GSE1: variants seen among roughly 807,000 people sequenced by gnomAD.
GSE1 encodes genetic suppressor element 1.
A neutral mutation model predicts 112.6 loss-of-function variants in GSE1; 32 were observed. The ratio of observed to expected loss-of-function variants is 0.28; its 90% CI spans 0.21 to 0.38. GSE1 has a LOEUF of 0.38. Ranked by LOEUF, GSE1 falls within the 10% of genes least tolerant of loss-of-function variation. The pLI, the probability that GSE1 is intolerant of heterozygous loss-of-function variation, is 1.00. For synonymous variants in GSE1, 1,115 were observed against 735.6 expected, an observed-to-expected ratio of 1.52 and a Z score of -8.35; for missense variants, 2,348 against 1,699.2, an observed-to-expected ratio of 1.38 and a Z score of -6.71.
At chr16:85,218,434 T>C (rs2143722877) in intron 1 of GSE1, among the ~76,000 whole-genome samples, 1 of 152,282 alleles carries the variant, frequency 6.6e-6, no homozygotes, top group South Asian at 2.1e-4. Context: ...AACCCCTTCA[T>C]TGAGTGCATG....
intron 2 of GSE1, among the ~76,000 whole-genome samples, chr16:85,361,138 C>CACA (rs1555569966): frequency 1.7e-5 from 2 of 117,016 alleles, no homozygotes; most frequent in South Asian, 6.1e-4. Flanking sequence ...CAGACCCCCC[C>CACA]CACACAAACA....
At chr16:85,370,494 C>T (rs2047272088) in intron 2 of GSE1, among the ~76,000 whole-genome samples, 1 of 152,216 alleles carries the variant, frequency 6.6e-6, no homozygotes, top group African/African-American at 2.4e-5. Context: ...ACTACTTGAA[C>T]TGGGCACCCA....
chr16:85,571,760 G>A (rs564744321), intron 1 of GSE1, among the ~76,000 whole-genome samples: 17 of 152,138 alleles, frequency 1.1e-4, no homozygotes, highest in Non-Finnish European at 2.2e-4. Flanking sequence ...GGGGGCAGAG[G>A]CCATGGCGGA....
chr16:85,669,867 C>G (rs929262862), intron 14 of GSE1, among the ~76,000 whole-genome samples: 1 of 152,334 alleles, frequency 6.6e-6, no homozygotes, highest in South Asian at 2.1e-4. Flanking sequence ...ACTCCCACAC[C>G]TGCTGGGCCT....
chr16:85,364,310 G>GC (rs753864078), intron 2 of GSE1, among the ~76,000 whole-genome samples: 100 of 152,240 alleles, frequency 6.6e-4, no homozygotes, highest in Admixed American at 2.1e-3. Flanking sequence ...TACTTAGAAG[G>GC]CCCCTGTGAC....
chr16:85,556,447 C>A (rs991369754), intron 1 of GSE1: 8 of 567,346 alleles, frequency 1.4e-5, no homozygotes, highest in Non-Finnish European at 1.8e-5. Flanking sequence ...CTCCGCCAGA[C>A]CCCCGAGCCA....
intron 2 of GSE1, among the ~76,000 whole-genome samples, chr16:85,519,386 C>T (rs377105977): frequency 3.9e-4 from 36 of 91,630 alleles, no homozygotes; most frequent in African/African-American, 1.4e-3. Flanking sequence ...TCATCATCAC[C>T]TTCACCACCA....
At chr16:85,645,707 T>G (rs2050797186) in intron 2 of GSE1, among the ~76,000 whole-genome samples, 1 of 152,168 alleles carries the variant, frequency 6.6e-6, no homozygotes, top group South Asian at 2.1e-4. Context: ...TGAGGCTGCT[T>G]CTGCCCCCGG....
chr16:85,319,079 T>TGTGGGGCCCAGCATGTC lies in GSE1; in HGVS notation c.2284-38383_2284-38367dup, dbSNP rs2046044496. Among the ~76,000 whole-genome samples, 4 of 152,234 alleles carry TGTGGGGCCCAGCATGTC rather than the reference T, an allele frequency of 2.6e-5. No individual in the cohort carries two copies. The South Asian group carries it at 8.3e-4, about 32-fold the overall frequency. On this transcript the variant is annotated intron_variant, in intron 1 of 2. Coordinates refer to the GSE1 transcript ENST00000637419. Reference sequence around the variant, plus strand: ...GTGGCGGTGACATTAGATGTGAACTTGTGGGGCCCAGCATGTCATAGGCCC... The same window carrying TGTGGGGCCCAGCATGTC: ...GTGGCGGTGACATTAGATGTGAACTTGTGGGGCCCAGCATGTCGTGGGGCCCAGCATGTCATAGGCCC...
At chr16:85,391,168 C>A (rs956947722) in intron 2 of GSE1, among the ~76,000 whole-genome samples, 1 of 152,214 alleles carries the variant, frequency 6.6e-6, no homozygotes, top group Non-Finnish European at 1.5e-5. Flanking sequence ...CAAGGCAGAC[C>A]CACAGCAGCA....
chr16:85,238,410 G>A (rs1260070173), intron 1 of GSE1, among the ~76,000 whole-genome samples: 3 of 152,238 alleles, frequency 2.0e-5, no homozygotes, highest in Non-Finnish European at 4.4e-5. Context: ...CCCTGCAGCG[G>A]TAGCCTGGTG....
chr16:85,181,099 C>G (rs890682132), intron 1 of GSE1, among the ~76,000 whole-genome samples: 2 of 152,186 alleles, frequency 1.3e-5, no homozygotes, highest in Non-Finnish European at 2.9e-5. Flanking sequence ...TGTCTGGTGT[C>G]AGCCCCAGCT....
chr16:85,203,952 G>A (rs2075072983), intron 1 of GSE1, among the ~76,000 whole-genome samples: 1 of 152,022 alleles, frequency 6.6e-6, no homozygotes, highest in Non-Finnish European at 1.5e-5. Flanking sequence ...TGTATTTTTT[G>A]TAGAGACGAG....
intron 2 of GSE1, among the ~76,000 whole-genome samples, chr16:85,640,683 G>A (rs1042695543): frequency 3.4e-4 from 52 of 152,382 alleles, no homozygotes; most frequent in African/African-American, 1.1e-3. Context: ...GGCCTGGGCG[G>A]GGGAGAGGCT....
chr16:85,428,040 G>A (rs190926112), intron 2 of GSE1, among the ~76,000 whole-genome samples: 6 of 152,310 alleles, frequency 3.9e-5, no homozygotes, highest in East Asian at 3.9e-4. Flanking sequence ...TGCGTGGCCC[G>A]TGGCTGCTGT....
chr16:85,307,545 C>T (rs1412553572), intron 1 of GSE1, among the ~76,000 whole-genome samples: 1 of 152,228 alleles, frequency 6.6e-6, no homozygotes, highest in Non-Finnish European at 1.5e-5. Context: ...CACAGAGCTT[C>T]GAGCTGTCCC....
intron 1 of GSE1, among the ~76,000 whole-genome samples, chr16:85,204,105 T>C (rs2075076016): frequency 6.6e-6 from 1 of 152,202 alleles, no homozygotes; most frequent in African/African-American, 2.4e-5. Context: ...AGGATACCCA[T>C]ACCTGTTAAG....
intron 1 of GSE1, among the ~76,000 whole-genome samples, chr16:85,260,453 G>C (rs112275099): frequency 1.3e-5 from 2 of 150,416 alleles, no homozygotes; most frequent in Admixed American, 6.7e-5. Flanking sequence ...GTCCCAAGTC[G>C]CTGGGATTAC....
intron 1 of GSE1, among the ~76,000 whole-genome samples, chr16:85,566,055 C>T (rs1018587520): frequency 2.0e-5 from 3 of 152,192 alleles, no homozygotes; most frequent in South Asian, 4.2e-4. Flanking sequence ...GGGCCAGTAG[C>T]GGAGCCTGCC....
Sources: allele counts gnomAD v4.1 joint callset (sites outside exome capture counted in the v4.1 genomes callset), GRCh38; gene constraint gnomAD v4.1.1; transcripts MANE v1.5; gene names NCBI Gene and HGNC (gene_info 2026-07-23, HGNC 2026-07-21).